Variants in UTRN observed in about 807,000 individuals in gnomAD.
The protein encoded by UTRN is utrophin, also known as dystrophin-related protein 1.
UTRN carries 283 observed loss-of-function variants against 463.9 expected under a neutral mutation model. The observed-to-expected ratio is 0.61, with a 90% CI of 0.55 to 0.67. The LOEUF (loss-of-function observed/expected upper bound fraction) is 0.67. Among genes scored for constraint, UTRN ranks in the 30% least tolerant of loss-of-function variants. The pLI, the probability that UTRN is intolerant of heterozygous loss-of-function variation, is 0.00. For synonymous variants in UTRN, 1,442 were observed against 1,431.5 expected (o/e 1.01, Z -0.17); for missense variants, 3,922 against 4,084.3 (o/e 0.96, Z 1.08).
intron 2 of UTRN, among the ~76,000 whole-genome samples, chr6:144,340,987 T>C (rs931457662): frequency 1.3e-5 from 2 of 152,132 alleles, no homozygotes; most frequent in African/African-American, 4.8e-5. Flanking sequence ...TAGAATCTAG[T>C]TTGGAAGTTA....
At chr6:144,514,873 A>G (rs1318664723) in intron 37 of UTRN, 53 bp downstream of exon 37, 42 of 1,548,566 alleles carry the variant, frequency 2.7e-5, no homozygotes, top group Non-Finnish European at 3.7e-5. Flanking sequence ...TATGTATCTA[A>G]ATGATAGTCA....
At chr6:144,808,169 G>A (rs1259966412) in intron 65 of UTRN, among the ~76,000 whole-genome samples, 2 of 152,046 alleles carry the variant, frequency 1.3e-5, no homozygotes, top group African/African-American at 4.8e-5. Context: ...CTAGGAGTTG[G>A]AAATAGAGAG....
intron 41 of UTRN, among the ~76,000 whole-genome samples, 193 bp from the exon 42 acceptor site, chr6:144,530,859 A>G (rs1182091063): frequency 6.6e-6 from 1 of 152,192 alleles, no homozygotes; most frequent in East Asian, 1.9e-4. Flanking sequence ...CCTTGTTATG[A>G]TGCATATATC....
In UTRN at chr6:144,537,663, T is replaced by C. The variant is rs1354422160; in HGVS notation, c.6315T>C (p.His2105=). 1 of 1,612,324 alleles carries C rather than the reference T, an allele frequency of 6.2e-7. No homozygotes were observed. The highest frequency in any genetic ancestry group is 2.2e-5 in the East Asian group (1 of 44,680). The stretch of plus-strand genomic sequence containing the variant: ...TCTGTTGGTTAACAAAGGCTGAGCA[T>C]GCTATGCAAAAGAGATCAACCACCG... ...EIICWLTKAE[H]AMQKRSTTEL... Residue 2105 remains histidine, a synonymous_variant, in exon 44 of 75, where the codon CAT becomes CAC. Coordinates refer to ENST00000367545, the MANE Select transcript of UTRN (RefSeq NM_007124.3).
chr6:144,534,469 G>A (rs1334237743), intron 43 of UTRN, among the ~76,000 whole-genome samples: 1 of 152,202 alleles, frequency 6.6e-6, no homozygotes, highest in African/African-American at 2.4e-5. Flanking sequence ...TCTTCCTCTG[G>A]AAATGAGAAC....
chr6:144,399,604 C>A (rs941304761), intron 2 of UTRN, among the ~76,000 whole-genome samples: 7 of 152,142 alleles, frequency 4.6e-5, no homozygotes, highest in Admixed American at 4.6e-4. Context: ...TGTCAGCCAA[C>A]TGGACACTCT....
At chr6:144,289,122 G>A (rs987516933) in intron 1 of UTRN, among the ~76,000 whole-genome samples, 1 of 152,020 alleles carries the variant, frequency 6.6e-6, no homozygotes, top group African/African-American at 2.4e-5. Flanking sequence ...TGTCATCTCC[G>A]CTTATATAAC....
intron 2 of UTRN, among the ~76,000 whole-genome samples, chr6:144,394,065 A>G (rs992420729): frequency 6.6e-6 from 1 of 152,172 alleles, no homozygotes; most frequent in Non-Finnish European, 1.5e-5. Flanking sequence ...AGAGGACTAA[A>G]TTGAAGTAAG....
intron 51 of UTRN, among the ~76,000 whole-genome samples, chr6:144,657,749 A>C (rs1432083373): frequency 6.6e-6 from 1 of 152,144 alleles, no homozygotes; most frequent in African/African-American, 2.4e-5. Context: ...CACCCTTCTG[A>C]TCTGTGCATG....
intron 35 of UTRN, among the ~76,000 whole-genome samples, chr6:144,512,176 T>A (rs1795232120): frequency 6.6e-6 from 1 of 152,106 alleles, no homozygotes; most frequent in Non-Finnish European, 1.5e-5. Flanking sequence ...CCTAACAGAG[T>A]TGTTAAATAT....
chr6:144,523,397 C>T (rs1381887608), intron 41 of UTRN, among the ~76,000 whole-genome samples: 1 of 152,068 alleles, frequency 6.6e-6, no homozygotes, highest in African/African-American at 2.4e-5. Context: ...GCAACATTTG[C>T]CTCCCAGGTT....
chr6:144,667,320 AG>A (rs1298587669), intron 51 of UTRN, among the ~76,000 whole-genome samples: 1 of 152,162 alleles, frequency 6.6e-6, no homozygotes, highest in African/African-American at 2.4e-5. Context: ...AGCCTCCCAA[AG>A]TTCTGGGATT....
In UTRN at chr6:144,671,148, GTTT is replaced by G. The variant is rs34224093; in HGVS notation, c.7480-7248_7480-7246del. Among the ~76,000 whole-genome samples, 5 of 147,998 alleles carry G rather than the reference GTTT, an allele frequency of 3.4e-5. No individual in the cohort carries two copies. In the East Asian group the frequency reaches 9.8e-4, roughly 29 times the overall value. ...TTTTTGCTTCCATATGAATTTTAGA[GTTT>G]TTTTTTTTTCTAGTTCTATGAAGAA... On this transcript the variant is annotated intron_variant, in intron 51 of 74. Coordinates refer to ENST00000367545, the MANE Select transcript of UTRN (RefSeq NM_007124.3).
intron 73 of UTRN, among the ~76,000 whole-genome samples, chr6:144,842,220 T>C (rs1021982567): frequency 1.7e-4 from 26 of 152,028 alleles, no homozygotes; most frequent in Admixed American, 4.6e-4. Context: ...AGATTATTAT[T>C]TACTGTATAG....
chr6:144,434,338 AGGGGAGGGGGAG>A (rs1225710422), intron 9 of UTRN, among the ~76,000 whole-genome samples: 4 of 33,442 alleles, frequency 1.2e-4, no homozygotes, highest in Non-Finnish European at 2.3e-4. Context: ...CCGTGGAAAG[AGGGGAGGGGGAG>A]GGGGAGGGAG....
At chr6:144,733,995 T>C (rs953755173) in intron 54 of UTRN, among the ~76,000 whole-genome samples, 1 of 152,138 alleles carries the variant, frequency 6.6e-6, no homozygotes, top group African/African-American at 2.4e-5. Flanking sequence ...TGATGAAGAG[T>C]ACATGACTAC....
In UTRN at chr6:144,448,717, C is replaced by A. The variant is rs764771240; in HGVS notation, c.2020C>A (p.Pro674Thr). ...AAAATCTAAGCAGGAACTGCCTCCT[C>A]CTCCTCCCCCAAAGAAGAGACAGAT... ...TKKSKQELPPPPPPKKRQIHV... is the reference protein window; with the variant it reads ...TKKSKQELPPTPPPKKRQIHV... The change falls in exon 17 of 75, where the codon CCT becomes ACT. Residue 674 changes from proline (P) to threonine (T), a missense_variant. Physicochemically the swap from Pro to Thr is conservative, Grantham distance 38. Coordinates refer to ENST00000367545, the MANE Select transcript of UTRN (RefSeq NM_007124.3). 5.2e-5 allele frequency: 84 copies of A among 1,613,842 alleles called. 3 individuals are homozygous for A. In the South Asian group the frequency reaches 9.1e-4, roughly 18 times the overall value.
intron 25 of UTRN, among the ~76,000 whole-genome samples, chr6:144,478,870 GA>G (rs1791529756): frequency 6.6e-6 from 1 of 152,144 alleles, no homozygotes; most frequent in African/African-American, 2.4e-5. Context: ...AATATTTCTA[GA>G]CTTCTCCAAA....
chr6:144,766,718 T>C (rs1391781192), intron 58 of UTRN, among the ~76,000 whole-genome samples: 1 of 151,924 alleles, frequency 6.6e-6, no homozygotes. Flanking sequence ...ACAGTACTCA[T>C]TGGTGAATTT....
Sources: gnomAD v4.1 joint callset for allele counts (sites outside exome capture counted in the v4.1 genomes callset) on GRCh38, gnomAD v4.1.1 for gene constraint, MANE v1.5 for transcripts, NCBI Gene and HGNC (gene_info 2026-07-23, HGNC 2026-07-21) for gene names.